Variants in PCDHGA2 observed in about 807,000 individuals in gnomAD.
The protein encoded by PCDHGA2 is protocadherin gamma-A2.
In PCDHGA2, 40 loss-of-function variants were observed where a neutral mutation model predicts 59.2. The observed-to-expected ratio is 0.68, with a 90% confidence interval of 0.52 to 0.88. The LOEUF (loss-of-function observed/expected upper bound fraction) is 0.88, where lower values mean the gene tolerates loss of function less well. Among genes scored for constraint, PCDHGA2 ranks in the 40% least tolerant of loss-of-function variants. The pLI is 0.00. For missense variants in PCDHGA2, 1,226 were observed against 1,204.0 expected (o/e 1.02, Z -0.27); for synonymous variants, 560 against 526.0 (o/e 1.06, Z -0.89).
At chr5:141,344,111 A>G in intron 1 of PCDHGA2, 1 of 1,614,020 alleles carries the variant, frequency 6.2e-7, no homozygotes, top group Non-Finnish European at 8.5e-7. Flanking sequence ...TGTGCGAAAC[A>G]GGATCCGGTC....
At chr5:141,384,163 C>G (rs535530763) in intron 1 of PCDHGA2, 2 of 1,613,658 alleles carry the variant, frequency 1.2e-6, no homozygotes, top group African/African-American at 1.3e-5. Context: ...TAACATCACA[C>G]TGAAAGCCAC....
chr5:141,346,787 T>C (rs1234122694), intron 1 of PCDHGA2, among the ~76,000 whole-genome samples: 1 of 152,248 alleles, frequency 6.6e-6, no homozygotes, highest in Non-Finnish European at 1.5e-5. Context: ...TGAGTAACTA[T>C]GATGAGAGAA....
intron 1 of PCDHGA2, chr5:141,344,717 C>G (rs757612658): frequency 6.2e-7 from 1 of 1,613,850 alleles, no homozygotes; most frequent in African/African-American, 1.3e-5. Context: ...ACTTGCACAT[C>G]CAAGTGATAG....
At chr5:141,430,642 A>C in intron 1 of PCDHGA2, 2 of 918,498 alleles carry the variant, frequency 2.2e-6, no homozygotes, top group South Asian at 5.1e-5. Flanking sequence ...CCCTGGGAGT[A>C]TGTGGAAACA....
At chr5:141,507,797 C>T (rs933921827) in intron 3 of PCDHGA2, among the ~76,000 whole-genome samples, 3 of 152,240 alleles carry the variant, frequency 2.0e-5, no homozygotes, top group Non-Finnish European at 2.9e-5. Flanking sequence ...TCTAAGCCTG[C>T]GCCCTGGGGA....
intron 1 of PCDHGA2, chr5:141,388,948 T>A (rs751779962): frequency 1.9e-6 from 3 of 1,614,022 alleles, no homozygotes; most frequent in Non-Finnish European, 2.5e-6. Context: ...AACCTAATTA[T>A]GGAGGACGCC....
At chr5:141,448,907 T>G (rs1253773780) in intron 1 of PCDHGA2, among the ~76,000 whole-genome samples, 1 of 152,178 alleles carries the variant, frequency 6.6e-6, no homozygotes, top group African/African-American at 2.4e-5. Flanking sequence ...ATCGTGCCAC[T>G]GCACTCCAGC....
chr5:141,413,967 G>C, intron 1 of PCDHGA2: 15 of 1,613,428 alleles, frequency 9.3e-6, no homozygotes, highest in Non-Finnish European at 1.2e-5. Context: ...TGGGCACTCA[G>C]CTGCTGACAG....
chr5:141,421,491 A>G (rs934861223), intron 1 of PCDHGA2: 8 of 1,614,102 alleles, frequency 5.0e-6, no homozygotes, highest in Non-Finnish European at 6.8e-6. Context: ...TGATCACGGC[A>G]GGCAGGATAG....
intron 1 of PCDHGA2, chr5:141,433,063 G>T (rs1411651811): frequency 3.1e-6 from 5 of 1,614,176 alleles, no homozygotes; most frequent in Non-Finnish European, 4.2e-6. Flanking sequence ...AGAGTCACCT[G>T]ATCTTCCCCC....
rs145286084 is a variant in PCDHGA2, at chr5:141,369,646, G to A, written c.2424+28251G>A. Among the ~76,000 whole-genome samples, 4 of 152,222 alleles carry A rather than the reference G, an allele frequency of 2.6e-5. No homozygotes were observed. The East Asian group carries it at 7.7e-4, about 29-fold the overall frequency. On this transcript the variant is annotated intron_variant, in intron 1 of 3. Coordinates refer to ENST00000394576, the MANE Select transcript of PCDHGA2 (RefSeq NM_018915.4). ...CATTACCTTTAACTTCTTTTGGGGG[G>A]AGATAATAAAGATAAAAGAGAAGAA...
intron 2 of PCDHGA2, among the ~76,000 whole-genome samples, chr5:141,499,112 A>G (rs550424495): frequency 6.6e-6 from 1 of 152,238 alleles, no homozygotes; most frequent in African/African-American, 2.4e-5. Context: ...CCCCACCACT[A>G]TCCCTTCTCA....
At chr5:141,346,884 T>C (rs932836249) in intron 1 of PCDHGA2, among the ~76,000 whole-genome samples, 1 of 152,258 alleles carries the variant, frequency 6.6e-6, no homozygotes, top group Non-Finnish European at 1.5e-5. Flanking sequence ...CCAACCTGTA[T>C]AGCTTATCCT....
intron 1 of PCDHGA2, among the ~76,000 whole-genome samples, chr5:141,488,969 CCAAT>C (rs1303368467): frequency 4.6e-5 from 7 of 152,106 alleles, no homozygotes; most frequent in Non-Finnish European, 7.4e-5. Context: ...GACTTTTTGG[CCAAT>C]CAGACTCAGA....
Position 141,491,900 on chromosome 5 carries a change from G to T in PCDHGA2, c.2425-2907G>T. The T allele has an allele frequency of 7.0e-7, 1 of 1,429,936 alleles. No homozygotes were observed. The highest frequency in any genetic ancestry group is 1.5e-5 in the South Asian group (1 of 67,072). 88.6% of individuals were successfully genotyped at this position (1,429,936 alleles called of 1,614,324 possible). A position where few individuals can be genotyped will look rare whatever the true frequency, so the allele number is the denominator to read the frequency against. ...TAAGGGATGGGGCTCCGAGCACCGG[G>T]GGTGGTGGCGACTGTGGGCGAGGGG... On this transcript the variant is annotated intron_variant, in intron 1 of 3. Transcript: ENST00000394576. This position sits in a 1 kb window ranked among gnomAD's most constrained non-coding sequence, Gnocchi z 6.9.
intron 1 of PCDHGA2, among the ~76,000 whole-genome samples, chr5:141,381,599 T>C (rs1273652437): frequency 9.9e-5 from 15 of 152,240 alleles, no homozygotes; most frequent in Admixed American, 9.8e-4. Flanking sequence ...CAGTTTCTTA[T>C]GAATTCACAG....
chr5:141,431,016 C>A lies in PCDHGA2; in HGVS notation c.2425-63791C>A, dbSNP rs755015257. 4 of 1,613,456 alleles carry A rather than the reference C, an allele frequency of 2.5e-6. No individual in the cohort carries two copies. Among genetic ancestry groups the A allele is most frequent in the East Asian group, 2.2e-5 (1 of 44,860 alleles). ...AATCCGCGCAGCGGCAGCTTGGTCA[C>A]GGCGGGCAGGATAGACCGGGAGGAG... is the stretch of plus-strand genomic sequence containing the variant. On this transcript the variant is annotated intron_variant, in intron 1 of 3. Coordinates refer to ENST00000394576, the MANE Select transcript of PCDHGA2 (RefSeq NM_018915.4). The surrounding 1 kb of genome is among the most constrained non-coding windows in gnomAD (Gnocchi z 4.8).
intron 1 of PCDHGA2, chr5:141,418,920 A>G: frequency 6.2e-7 from 1 of 1,613,992 alleles, no homozygotes; most frequent in Non-Finnish European, 8.5e-7. Flanking sequence ...TCACTCTCTG[A>G]TCAGATTATG....
intron 1 of PCDHGA2, chr5:141,357,260 C>T: frequency 1.1e-5 from 17 of 1,613,796 alleles, no homozygotes; most frequent in Non-Finnish European, 1.4e-5. Context: ...CCAGACGACT[C>T]GGGCCTCACA....
Sources: allele counts gnomAD v4.1 joint callset (sites outside exome capture counted in the v4.1 genomes callset), GRCh38; gene constraint gnomAD v4.1.1; non-coding constraint Gnocchi (gnomAD v3.1); transcripts MANE v1.5; gene names NCBI Gene and HGNC (gene_info 2026-07-23, HGNC 2026-07-21).